SUCLA2: variants seen among roughly 807,000 people sequenced by gnomAD.
SUCLA2 encodes the protein succinate-CoA ligase ADP-forming subunit beta, also known as succinate--CoA ligase [ADP-forming] subunit beta, mitochondrial.
Under a neutral mutation model 54.8 loss-of-function variants are expected in SUCLA2, and 30 were observed. That is an observed-to-expected ratio of 0.55 (90% confidence interval 0.41 to 0.74). SUCLA2 has a LOEUF of 0.74. Among genes scored for constraint, SUCLA2 ranks in the 30% least tolerant of loss-of-function variants. The pLI, the probability that SUCLA2 is intolerant of heterozygous loss-of-function variation, is 0.00. For synonymous variants in SUCLA2, 172 were observed against 188.9 expected, an observed-to-expected ratio of 0.91 and a Z score of 0.74; for missense variants, 476 against 562.9, an observed-to-expected ratio of 0.85 and a Z score of 1.56.
intron 4 of SUCLA2, chr13:47,987,872 T>C (rs895544284): frequency 1.3e-5 from 2 of 152,032 alleles, no homozygotes; most frequent in African/African-American, 4.8e-5. Context: ...TTGTAAAACC[T>C]AATACCCTCG....
intron 2 of SUCLA2, 36 bp downstream of exon 2, chr13:47,996,807 A>G: frequency 6.2e-7 from 1 of 1,608,218 alleles, no homozygotes; most frequent in Non-Finnish European, 8.5e-7. Flanking sequence ...CAGAGCTCTC[A>G]TGTCAAGGTG....
intron 2 of SUCLA2, among the ~76,000 whole-genome samples, 196 bp from the exon 3 acceptor site, chr13:47,989,177 C>CAATTTTCAA (rs1950130537): frequency 6.6e-6 from 1 of 151,152 alleles, no homozygotes; most frequent in Non-Finnish European, 1.5e-5. Flanking sequence ...AAAAGGCCCA[C>CAATTTTCAA]AATTTTCAAA....
chr13:47,950,121 G>A (rs1031746052), intron 8 of SUCLA2, among the ~76,000 whole-genome samples: 5 of 152,182 alleles, frequency 3.3e-5, no homozygotes, highest in African/African-American at 9.7e-5. Flanking sequence ...AATACTGCCT[G>A]TAACATAGAT....
chr13:47,996,854 G>T lies in SUCLA2; in HGVS notation c.260C>A (p.Ala87Asp). 6.2e-7 allele frequency: 1 copy of T among 1,612,830 alleles called. No homozygotes were observed. The highest frequency in any genetic ancestry group is 2.2e-5 in the East Asian group (1 of 44,848). Residue 87 changes from alanine to aspartate, a missense_variant, in exon 2 of 11, where the codon GCC (alanine) becomes GAC (aspartate). Coordinates refer to ENST00000646932, the MANE Select transcript of SUCLA2 (RefSeq NM_003850.3). Reference protein sequence around the residue: ...AKSPDEAYAIAKKLGSKDVVI... With the variant: ...AKSPDEAYAIDKKLGSKDVVI... ...TCTTAATTTAGTACCTAATTTTTTG[G>T]CAATTGCATAAGCTTCATCTGGTGA... is the stretch of plus-strand genomic sequence containing the variant.
At chr13:47,985,929 C>G (rs1159265955) in intron 4 of SUCLA2, among the ~76,000 whole-genome samples, 2 of 151,660 alleles carry the variant, frequency 1.3e-5, no homozygotes, top group African/African-American at 2.4e-5. Flanking sequence ...TGATAGCCAC[C>G]TGAGTGGCAT....
At chr13:47,947,512 T>C (rs936182005) in intron 10 of SUCLA2, among the ~76,000 whole-genome samples, 1 of 152,172 alleles carries the variant, frequency 6.6e-6, no homozygotes, top group South Asian at 2.1e-4. Flanking sequence ...AAGCATTACA[T>C]ATAATAAGTG....
Position 47,943,074 on chromosome 13 carries a change from A to C in SUCLA2, c.*297T>G, listed in dbSNP as rs1949698529. ...TTATTTATAGGACTCTTATCAATGA[A>C]GAACTTTGTATCCAACAATAATAAA... On this transcript the variant is annotated 3_prime_UTR_variant, in exon 11 of 11. Transcript: ENST00000646932. The C allele has an allele frequency of 2.7e-6, 1 of 374,942 alleles. No individual in the cohort carries two copies. Among genetic ancestry groups the C allele is most frequent in the Non-Finnish European group, 5.0e-6 (1 of 201,984 alleles). 23.2% of individuals were successfully genotyped at this position (374,942 alleles called of 1,614,324 possible).
intron 10 of SUCLA2, among the ~76,000 whole-genome samples, chr13:47,946,174 T>A (rs1949729964): frequency 6.6e-6 from 1 of 152,270 alleles, no homozygotes; most frequent in African/African-American, 2.4e-5. Flanking sequence ...TATATTGTTA[T>A]AATTGTTCTA....
chr13:47,950,293 G>A (rs1949766004), intron 8 of SUCLA2, among the ~76,000 whole-genome samples: 1 of 152,142 alleles, frequency 6.6e-6, no homozygotes, highest in Non-Finnish European at 1.5e-5. Context: ...ATAATTTCTG[G>A]AGGGCTAGTG....
At chr13:47,960,268 C>T (rs1048852134) in intron 6 of SUCLA2, among the ~76,000 whole-genome samples, 3 of 151,992 alleles carry the variant, frequency 2.0e-5, no homozygotes, top group Non-Finnish European at 4.4e-5. Context: ...TTGTTTGGTT[C>T]TACAATTTGC....
rs1037998674 is a variant in SUCLA2 at position 47,993,022 on chromosome 13, G to A, written c.271+3821C>T. Among the ~76,000 whole-genome samples the A allele has an allele frequency of 5.3e-5, 8 of 152,282 alleles. No individual in the cohort carries two copies. In the South Asian group the frequency reaches 1.2e-3, roughly 24 times the overall value. On this transcript the variant is annotated intron_variant, in intron 2 of 10. Coordinates refer to ENST00000646932, the MANE Select transcript of SUCLA2 (RefSeq NM_003850.3). ...AGGGTGGGTGGAAGGCTTGAGCCCC[G>A]GAGTTTGAGACCAGCCTGGGCAACA...
At chr13:47,989,851 A>G (rs1032411060) in intron 2 of SUCLA2, among the ~76,000 whole-genome samples, 1 of 152,240 alleles carries the variant, frequency 6.6e-6, no homozygotes, top group African/African-American at 2.4e-5. Flanking sequence ...TAGTACTATC[A>G]GGAGTTATTA....
At chr13:47,950,855 C>T (rs4942721) in intron 8 of SUCLA2, among the ~76,000 whole-genome samples, 142,375 of 152,154 alleles carry the variant, frequency 0.94, 66,645 homozygotes, top group East Asian at 1. Flanking sequence ...CAAGGCCCCA[C>T]TGAAATACCT....
intron 4 of SUCLA2, among the ~76,000 whole-genome samples, chr13:47,979,577 G>C (rs2137730448): frequency 6.6e-6 from 1 of 152,246 alleles, no homozygotes; most frequent in Admixed American, 6.5e-5. Context: ...CATGGCACGT[G>C]TATACCTATG....
At chr13:47,962,587 G>C (rs2137706000) in intron 6 of SUCLA2, among the ~76,000 whole-genome samples, 1 of 152,236 alleles carries the variant, frequency 6.6e-6, no homozygotes, top group East Asian at 1.9e-4. Context: ...GGTGGAAGTG[G>C]TACACCAGAG....
intron 2 of SUCLA2, among the ~76,000 whole-genome samples, chr13:47,989,366 A>G (rs1425150704): frequency 1.3e-5 from 2 of 151,990 alleles, no homozygotes; most frequent in East Asian, 1.9e-4. Context: ...GCCCGCCACC[A>G]TGCCTGGCTA....
At position 47,996,972 on chromosome 13, in the gene SUCLA2, G is replaced by C. The variant is rs1364746947; in HGVS notation, c.142C>G (p.Gln48Glu). 1 of 1,614,052 alleles carries C rather than the reference G, an allele frequency of 6.2e-7. No homozygotes were observed. Among genetic ancestry groups the C allele is most frequent in the Non-Finnish European group, 8.5e-7 (1 of 1,179,998 alleles). ...FNNHGLQVQQ[Q>E]QQRNLSLHEY... is the part of the protein sequence containing the mutation. ...TGTAGTGAGAGATTCCTTTGCTGTT[G>C]CTGCTGTACTTGGAGTCCATGGTTA... Residue 48 changes from glutamine (Q) to glutamate (E), a missense_variant, in exon 2 of 11, where the codon CAA becomes GAA. Coordinates refer to ENST00000646932, the MANE Select transcript of SUCLA2 (RefSeq NM_003850.3).
intron 2 of SUCLA2, among the ~76,000 whole-genome samples, chr13:47,993,504 C>A (rs1329659146): frequency 1.3e-5 from 2 of 152,106 alleles, no homozygotes; most frequent in Non-Finnish European, 2.9e-5. Flanking sequence ...CAATTATTCA[C>A]AGCAGGTAAA....
chr13:47,950,153 C>G (rs562188574), intron 8 of SUCLA2, among the ~76,000 whole-genome samples: 1 of 152,282 alleles, frequency 6.6e-6, no homozygotes, highest in Non-Finnish European at 1.5e-5. Flanking sequence ...AGAAACAATG[C>G]CTGTAGCATA....
Sources: allele counts gnomAD v4.1 joint callset (sites outside exome capture counted in the v4.1 genomes callset), GRCh38; gene constraint gnomAD v4.1.1; transcripts MANE v1.5; gene names NCBI Gene and HGNC (gene_info 2026-07-23, HGNC 2026-07-21).